FANCB: variants seen among roughly 807,000 people sequenced by gnomAD.
FANCB encodes the protein Fanconi anemia group B protein.
In FANCB, 5 loss-of-function variants were observed where a neutral mutation model predicts 38.9. The observed-to-expected ratio is 0.13, with a 90% CI of 0.07 to 0.27. The LOEUF is 0.27. Ranked by LOEUF, FANCB falls within the 10% of genes least tolerant of loss-of-function variation. The pLI is 1.00. For missense variants in FANCB, 573 were observed against 602.7 expected (o/e 0.95, Z 0.52); for synonymous variants, 236 against 215.4 (o/e 1.10, Z -0.84).
the FANCB span, among the ~76,000 whole-genome samples, chrX:14,695,035 T>A: frequency 4.7e-3 from 526 of 111,796 alleles, 3 homozygotes; most frequent in African/African-American, 0.016. Flanking sequence ...GGCAAGTAAT[T>A]AGATAGAAAT....
chrX:14,848,833 C>A (rs979219394), intron 7 of FANCB, among the ~76,000 whole-genome samples: 1 of 111,108 alleles, frequency 9.0e-6, no homozygotes, highest in Non-Finnish European at 1.9e-5. Context: ...CTAACCTACC[C>A]CCGCCCTCAC....
chrX:14,694,277 A>C, the FANCB span, among the ~76,000 whole-genome samples: 1 of 111,564 alleles, frequency 9.0e-6, no homozygotes, highest in African/African-American at 3.2e-5. Flanking sequence ...AAATTTCTGC[A>C]CAATCTCACT....
At chrX:14,772,308 C>T in the FANCB span, among the ~76,000 whole-genome samples, 5 of 112,340 alleles carry the variant, frequency 4.5e-5, no homozygotes, top group East Asian at 1.4e-3. Context: ...GCTGGAATGG[C>T]TGAAGCCCCC....
chrX:14,740,983 CACACACGA>C, the FANCB span, among the ~76,000 whole-genome samples: 1 of 111,443 alleles, frequency 9.0e-6, no homozygotes, highest in African/African-American at 3.3e-5. Context: ...CACGCACACA[CACACACGA>C]ACACACGAAG....
At chrX:14,813,385 T>G in the FANCB span, among the ~76,000 whole-genome samples, 9 of 110,795 alleles carry the variant, frequency 8.1e-5, no homozygotes, top group Admixed American at 1.9e-4. Context: ...TGTCCCTATT[T>G]GCAGATGACA....
the FANCB span, among the ~76,000 whole-genome samples, chrX:14,812,781 C>T: frequency 5.4e-5 from 6 of 111,213 alleles, no homozygotes; most frequent in African/African-American, 1.6e-4. Context: ...TTCCAATCAA[C>T]AGAAAAAGAG....
At chrX:14,791,894 CT>C in the FANCB span, among the ~76,000 whole-genome samples, 1 of 111,630 alleles carries the variant, frequency 9.0e-6, no homozygotes, top group Non-Finnish European at 1.9e-5. Context: ...ATCCCATGTC[CT>C]TTTTTATATG....
chrX:14,815,712 C>A, the FANCB span, among the ~76,000 whole-genome samples: 7 of 112,431 alleles, frequency 6.2e-5, no homozygotes, highest in African/African-American at 2.3e-4. Context: ...AAGATACCCA[C>A]AGACATGTTT....
intron 5 of FANCB, among the ~76,000 whole-genome samples, chrX:14,854,132 T>C (rs2092413433): frequency 8.9e-6 from 1 of 111,918 alleles, no homozygotes; most frequent in Non-Finnish European, 1.9e-5. Flanking sequence ...GTAAAGTGTC[T>C]AGCTAATATT....
intron 2 of FANCB, 150 bp from the exon 3 acceptor site, chrX:14,865,730 T>TA (rs764790149): frequency 1.2e-5 from 4 of 331,139 alleles, no homozygotes; most frequent in Non-Finnish European, 1.6e-5. Context: ...ATCATACTTA[T>TA]AAAAAAAATT....
the FANCB span, among the ~76,000 whole-genome samples, chrX:14,699,224 A>G: frequency 1.8e-5 from 2 of 111,932 alleles, no homozygotes; most frequent in Non-Finnish European, 3.8e-5. Context: ...ACTTCTCTAC[A>G]ATGCAGCCTC....
chrX:14,840,977 C>T (rs2092353513), downstream of FANCB, among the ~76,000 whole-genome samples: 1 of 111,724 alleles, frequency 9.0e-6, no homozygotes, highest in Non-Finnish European at 1.9e-5. Context: ...GAAATAAGGC[C>T]CTAGAAAGTG....
chrX:14,690,600 T>A, the FANCB span: 1 of 512,845 alleles, frequency 1.9e-6, no homozygotes, highest in South Asian at 3.3e-5. Flanking sequence ...GAAATTAGGT[T>A]ATTTTGCTGC....
the FANCB span, among the ~76,000 whole-genome samples, chrX:14,729,512 T>C: frequency 8.9e-6 from 1 of 111,781 alleles, no homozygotes; most frequent in Non-Finnish European, 1.9e-5. Context: ...CAAATATCAC[T>C]GACATCAGCT....
chrX:14,723,167 C>T, the FANCB span, among the ~76,000 whole-genome samples: 4 of 111,966 alleles, frequency 3.6e-5, no homozygotes, highest in African/African-American at 1.3e-4. Context: ...TGTATCTATT[C>T]GAATGTCTCA....
the FANCB span, among the ~76,000 whole-genome samples, chrX:14,749,000 G>A: frequency 1.8e-5 from 2 of 111,927 alleles, no homozygotes; most frequent in Non-Finnish European, 3.8e-5. Context: ...GGTAGGGTTA[G>A]GGAAGGCATT....
the FANCB span, among the ~76,000 whole-genome samples, chrX:14,777,703 T>G: frequency 8.9e-6 from 1 of 112,216 alleles, no homozygotes; most frequent in African/African-American, 3.2e-5. Flanking sequence ...TAACAAAATG[T>G]TGCAAAGCTT....
the FANCB span, among the ~76,000 whole-genome samples, chrX:14,782,819 C>CG: frequency 1.8e-5 from 2 of 111,529 alleles, no homozygotes; most frequent in Admixed American, 9.5e-5. Context: ...CTTGATTAGT[C>CG]GGGGGGTCTT....
the FANCB span, among the ~76,000 whole-genome samples, chrX:14,706,750 A>G: frequency 8.9e-6 from 1 of 112,341 alleles, no homozygotes; most frequent in South Asian, 3.7e-4. Context: ...GATCCATGAT[A>G]GAGTGAGGAG....
Sources: gnomAD v4.1 joint callset for allele counts (sites outside exome capture counted in the v4.1 genomes callset) on GRCh38, gnomAD v4.1.1 for gene constraint, MANE v1.5 for transcripts, NCBI Gene and HGNC (gene_info 2026-07-23, HGNC 2026-07-21) for gene names.